MYO5A: variants seen among roughly 807,000 people sequenced by gnomAD.
The protein encoded by MYO5A is unconventional myosin-Va.
MYO5A carries 98 observed loss-of-function variants against 249.7 expected under a neutral mutation model. The ratio of observed to expected loss-of-function variants is 0.39; its 90% CI spans 0.33 to 0.46. The LOEUF (loss-of-function observed/expected upper bound fraction) is 0.46, where lower values mean the gene tolerates loss of function less well. MYO5A is among the 20% of genes least tolerant of loss of function. The pLI is 0.98. For missense variants in MYO5A, 1,696 were observed against 2,308.8 expected, an observed-to-expected ratio of 0.73 and a Z score of 5.44; for synonymous variants, 778 against 810.6, an observed-to-expected ratio of 0.96 and a Z score of 0.68.
intron 4 of MYO5A, among the ~76,000 whole-genome samples, chr15:52,423,396 CA>C (rs1277348444): frequency 6.6e-6 from 1 of 151,582 alleles, no homozygotes; most frequent in Non-Finnish European, 1.5e-5. Flanking sequence ...ACTAAAAATA[CA>C]AAAAATTAGC....
chr15:52,502,809 G>C (rs909498945), intron 1 of MYO5A, among the ~76,000 whole-genome samples: 3 of 152,196 alleles, frequency 2.0e-5, no homozygotes, highest in African/African-American at 7.2e-5. Flanking sequence ...AGGAAACAGA[G>C]ATTGCCTTGT....
intron 1 of MYO5A, among the ~76,000 whole-genome samples, chr15:52,494,550 T>G (rs1291551810): frequency 6.6e-6 from 1 of 152,230 alleles, no homozygotes; most frequent in East Asian, 1.9e-4. Flanking sequence ...AGGAGTGCAG[T>G]GGCACCATCT....
chr15:52,365,150 G>C (rs1040246730), intron 23 of MYO5A, among the ~76,000 whole-genome samples: 1 of 152,162 alleles, frequency 6.6e-6, no homozygotes, highest in African/African-American at 2.4e-5. Flanking sequence ...AGTGGACCCG[G>C]TTGTCCTACT....
Position 52,349,244 on chromosome 15 carries a change from C to T in MYO5A, c.3850-418G>A, listed in dbSNP as rs576360715. The stretch of plus-strand genomic sequence containing the variant: ...TTCCCAGAATACTCTAGAGGTGGAG[C>T]CAATACACAAGACCTGCCTGGGCTG... On this transcript the variant is annotated intron_variant, in intron 28 of 41. Transcript: ENST00000399233. Among the ~76,000 whole-genome samples, 8 of 152,294 alleles carry T rather than the reference C, an allele frequency of 5.3e-5. No homozygotes were observed. In the East Asian group the frequency reaches 1.4e-3, roughly 26 times the overall value.
intron 1 of MYO5A, among the ~76,000 whole-genome samples, chr15:52,506,097 A>G (rs569265699): frequency 6.6e-6 from 1 of 152,206 alleles, no homozygotes; most frequent in African/African-American, 2.4e-5. Flanking sequence ...CATGCCTGTA[A>G]TCCCAGCACT....
rs558767350 is a variant in MYO5A, at chr15:52,488,290, T to C, written c.27+40490A>G. ...TGAGCCATTTGTAAATATATGTAGC[T>C]GATGTCTGTAAATAATGAATTCTTG... On this transcript the variant is annotated intron_variant, in intron 1 of 41. Coordinates refer to ENST00000399233, the MANE Select transcript of MYO5A (RefSeq NM_001382347.1). 6.1e-3 allele frequency among the ~76,000 whole-genome samples: 922 copies of C among 152,254 alleles called. 9 individuals are homozygous for C. Among genetic ancestry groups the C allele is most frequent in the Non-Finnish European group, 6.9e-3 (471 of 68,024 alleles).
At chr15:52,331,954 T>C in intron 34 of MYO5A, 1 of 796,866 alleles carries the variant, frequency 1.3e-6, no homozygotes, top group Non-Finnish European at 1.5e-6. Flanking sequence ...AAGTATATTC[T>C]TCCATGCAAG....
At chr15:52,382,185 A>C (rs1481911289) in intron 16 of MYO5A, among the ~76,000 whole-genome samples, 1 of 152,238 alleles carries the variant, frequency 6.6e-6, no homozygotes, top group Non-Finnish European at 1.5e-5. Flanking sequence ...TACAGGTGTG[A>C]GCCACTGCAC....
At chr15:52,475,677 T>C (rs1410578307) in intron 1 of MYO5A, among the ~76,000 whole-genome samples, 2 of 152,232 alleles carry the variant, frequency 1.3e-5, no homozygotes, top group African/African-American at 4.8e-5. Flanking sequence ...GGTTGTTCAG[T>C]TTCCATGTAG....
intron 1 of MYO5A, among the ~76,000 whole-genome samples, chr15:52,510,280 T>A (rs1453827038): frequency 2.0e-5 from 3 of 152,206 alleles, no homozygotes; most frequent in Non-Finnish European, 4.4e-5. Context: ...CTCCATCTAT[T>A]TCACCAATAT....
chr15:52,493,295 A>T (rs2076971782), intron 1 of MYO5A, among the ~76,000 whole-genome samples: 1 of 151,436 alleles, frequency 6.6e-6, no homozygotes, highest in African/African-American at 2.4e-5. Flanking sequence ...TTCCAGAGCT[A>T]TAAAATAAAT....
intron 5 of MYO5A, among the ~76,000 whole-genome samples, chr15:52,411,415 T>C (rs1184350012): frequency 3.9e-5 from 6 of 152,200 alleles, no homozygotes; most frequent in African/African-American, 1.4e-4. Flanking sequence ...TTACAAAATA[T>C]CTGCTACAGA....
At chr15:52,474,505 G>A (rs1197762641) in intron 1 of MYO5A, among the ~76,000 whole-genome samples, 6 of 152,256 alleles carry the variant, frequency 3.9e-5, no homozygotes, top group Non-Finnish European at 5.9e-5. Flanking sequence ...TGCCCATTCA[G>A]TATGATATTG....
chr15:52,528,843 G>T lies in MYO5A; in HGVS notation c.-37C>A. 1 of 1,462,626 alleles carries T rather than the reference G, an allele frequency of 6.8e-7. No individual in the cohort carries two copies. The allele number at this position is 1,462,626 out of a possible 1,614,324, so 90.6% of individuals were successfully genotyped here. On this transcript the variant is annotated 5_prime_UTR_variant, in exon 1 of 42. Coordinates refer to ENST00000399233, the MANE Select transcript of MYO5A (RefSeq NM_001382347.1). ...CGCGCCTACGCCCCCCGCCTGTGCG[G>T]AGGCCGCACCTCGCCTGGGCGGCCG...
In MYO5A at chr15:52,307,427, T is replaced by C. The variant is rs1305948719; in HGVS notation, c.*6269A>G. On this transcript the variant is annotated 3_prime_UTR_variant, in exon 42 of 42. Transcript: ENST00000399233. ...TCTGATATTGTTTTGGTTTTTATCT[T>C]AGCACTAGGTGATATCTAGTGAAAA... is the stretch of plus-strand genomic sequence containing the variant. 6.6e-6 allele frequency: 1 copy of C among 152,190 alleles called. No individual in the cohort carries two copies. The highest frequency in any genetic ancestry group is 1.5e-5 in the Non-Finnish European group (1 of 68,008). 9.4% of individuals were successfully genotyped at this position (152,190 alleles called of 1,614,324 possible).
chr15:52,380,411 G>A (rs752698724), intron 16 of MYO5A, among the ~76,000 whole-genome samples: 1 of 152,040 alleles, frequency 6.6e-6, no homozygotes, highest in Non-Finnish European at 1.5e-5. Flanking sequence ...ACTCCAGCCT[G>A]GGTGACAGAA....
intron 1 of MYO5A, among the ~76,000 whole-genome samples, chr15:52,496,247 G>A (rs895765827): frequency 6.6e-6 from 1 of 152,154 alleles, no homozygotes; most frequent in African/African-American, 2.4e-5. Flanking sequence ...GGGCTTAGAT[G>A]GCTCATCATC....
At position 52,472,733 on chromosome 15, in the gene MYO5A, T is replaced by TA. The variant is rs562630926; in HGVS notation, c.28-39449dup. On this transcript the variant is annotated intron_variant, in intron 1 of 41. Transcript: ENST00000399233. ...CGAAGGACATGAACTCATCCTTTTT[T>TA]ATGGCTACGTAGTATTCCATGGTAT... is the stretch of plus-strand genomic sequence containing the variant. Among the ~76,000 whole-genome samples the TA allele has an allele frequency of 4.5e-4, 68 of 152,310 alleles. 1 individual carries two copies. In the East Asian group the frequency reaches 7.1e-3, roughly 16 times the overall value.
At chr15:52,496,904 C>T (rs1016763776) in intron 1 of MYO5A, among the ~76,000 whole-genome samples, 1 of 152,192 alleles carries the variant, frequency 6.6e-6, no homozygotes, top group Non-Finnish European at 1.5e-5. Context: ...TAAACCTGTG[C>T]AACAACCAGT....
Sources: gnomAD v4.1 joint callset for allele counts (sites outside exome capture counted in the v4.1 genomes callset) on GRCh38, gnomAD v4.1.1 for gene constraint, MANE v1.5 for transcripts, NCBI Gene and HGNC (gene_info 2026-07-23, HGNC 2026-07-21) for gene names.